The following HPSE2 variants were observed in gnomAD, a reference collection of about 807,000 sequenced individuals.
The protein encoded by HPSE2 is heparanase 2 (inactive).
HPSE2 carries 38 observed loss-of-function variants against 60.5 expected under a neutral mutation model. The ratio of observed to expected loss-of-function variants is 0.63; its 90% CI spans 0.48 to 0.82. The LOEUF (loss-of-function observed/expected upper bound fraction) is 0.82, where lower values mean the gene tolerates loss of function less well. Among genes scored for constraint, HPSE2 ranks in the 40% least tolerant of loss-of-function variants. The pLI is 0.00. For missense variants in HPSE2, 713 were observed against 740.4 expected (o/e 0.96, Z 0.43); for synonymous variants, 295 against 293.2 (o/e 1.01, Z -0.06).
At position 98,939,829 on chromosome 10, in the gene HPSE2, G is replaced by C. The variant is rs192586157; in HGVS notation, c.611-195773C>G. Among the ~76,000 whole-genome samples the C allele has an allele frequency of 1.6e-3, 231 of 143,742 alleles. 59 individuals are homozygous for C. Among genetic ancestry groups the C allele is most frequent in the African/African-American group, 6.1e-3 (215 of 35,294 alleles). The allele number at this position is 143,742 out of a possible 152,430, so 94.3% of individuals were successfully genotyped here. A position where few individuals can be genotyped will look rare whatever the true frequency, so the allele number is the denominator to read the frequency against. ...TATTCCAAAATTGACCACATAGGTG[G>C]AAGTAAAGCTCTCCTCAGCAAATGT... On this transcript the variant is annotated intron_variant, in intron 3 of 11. Coordinates refer to ENST00000370552, the MANE Select transcript of HPSE2 (RefSeq NM_021828.5).
At chr10:98,614,313 G>C (rs1945840062) in intron 9 of HPSE2, among the ~76,000 whole-genome samples, 1 of 136,254 alleles carries the variant, frequency 7.3e-6, no homozygotes, top group Admixed American at 7.7e-5. Context: ...TTTTTTTTGA[G>C]ACGGAGTCTC....
At chr10:99,063,428 A>G (rs1356897483) in intron 3 of HPSE2, among the ~76,000 whole-genome samples, 1 of 152,164 alleles carries the variant, frequency 6.6e-6, no homozygotes, top group African/African-American at 2.4e-5. Context: ...AAACAGGAAG[A>G]TACCACTTTT....
At chr10:98,468,513 G>A (rs1034877740) in intron 11 of HPSE2, among the ~76,000 whole-genome samples, 3 of 152,072 alleles carry the variant, frequency 2.0e-5, no homozygotes, top group Non-Finnish European at 4.4e-5. Context: ...GTAGCCTCCT[G>A]CTTGGGACCT....
chr10:99,184,521 T>TC (rs1847898437), intron 2 of HPSE2, among the ~76,000 whole-genome samples: 7 of 10,168 alleles, frequency 6.9e-4, no homozygotes, highest in African/African-American at 2.4e-3. Flanking sequence ...CGAGACTGTC[T>TC]CAAAAAAAAA....
At chr10:98,626,678 G>A (rs192489849) in intron 7 of HPSE2, among the ~76,000 whole-genome samples, 1 of 152,118 alleles carries the variant, frequency 6.6e-6, no homozygotes, top group Non-Finnish European at 1.5e-5. Context: ...ATAATAAAAT[G>A]ATGTTAAATG....
intron 1 of HPSE2, among the ~76,000 whole-genome samples, chr10:99,233,467 C>T: frequency 6.6e-6 from 1 of 152,162 alleles, no homozygotes. Flanking sequence ...GGATTTCCAT[C>T]AATAGGTTTT....
At chr10:98,708,747 A>T (rs1017570815) in intron 5 of HPSE2, among the ~76,000 whole-genome samples, 31 of 152,334 alleles carry the variant, frequency 2.0e-4, no homozygotes, top group African/African-American at 7.2e-4. Context: ...GCATTTCCAA[A>T]TTCTAGCAAG....
the HPSE2 span, among the ~76,000 whole-genome samples, chr10:99,245,496 C>T: frequency 2.0e-5 from 3 of 152,208 alleles, no homozygotes; most frequent in African/African-American, 4.8e-5. Context: ...AGGGACCATC[C>T]CCTAAGGGGG....
At chr10:98,549,352 A>ATTG (rs1423927091) in intron 9 of HPSE2, among the ~76,000 whole-genome samples, 1 of 147,042 alleles carries the variant, frequency 6.8e-6, no homozygotes, top group Non-Finnish European at 1.5e-5. Flanking sequence ...TATTATTATT[A>ATTG]TTATTATCCC....
chr10:98,920,676 T>C (rs1336838899), intron 3 of HPSE2, among the ~76,000 whole-genome samples: 1 of 152,196 alleles, frequency 6.6e-6, no homozygotes, highest in Non-Finnish European at 1.5e-5. Context: ...AGAACATCTT[T>C]TACTAACATT....
intron 2 of HPSE2, among the ~76,000 whole-genome samples, chr10:99,184,656 C>T (rs1447406644): frequency 1.4e-5 from 2 of 141,682 alleles, no homozygotes; most frequent in Non-Finnish European, 3.0e-5. Context: ...GTATAAAAGA[C>T]ACAAGTTGAG....
intron 2 of HPSE2, among the ~76,000 whole-genome samples, chr10:99,228,654 T>C (rs1419191724): frequency 6.6e-6 from 1 of 152,220 alleles, no homozygotes; most frequent in African/African-American, 2.4e-5. Context: ...ACTTCTTCCA[T>C]CATCACTATT....
At chr10:99,279,370 A>C in the HPSE2 span, among the ~76,000 whole-genome samples, 1 of 152,246 alleles carries the variant, frequency 6.6e-6, no homozygotes. Flanking sequence ...ATGTTGGCAC[A>C]GGAAAAACAG....
intron 3 of HPSE2, among the ~76,000 whole-genome samples, chr10:98,902,239 G>T (rs1054746400): frequency 5.3e-5 from 8 of 152,072 alleles, no homozygotes; most frequent in Admixed American, 5.2e-4. Context: ...CAAACTAGGA[G>T]GTATATGAAT....
At chr10:98,756,185 G>T (rs1949874376) in intron 3 of HPSE2, among the ~76,000 whole-genome samples, 1 of 151,914 alleles carries the variant, frequency 6.6e-6, no homozygotes, top group Non-Finnish European at 1.5e-5. Flanking sequence ...GTGTTAAAAA[G>T]AAAGTTTATA....
chr10:99,239,257 T>TCA (rs1849909050), upstream of HPSE2, among the ~76,000 whole-genome samples: 1 of 152,104 alleles, frequency 6.6e-6, no homozygotes, highest in Non-Finnish European at 1.5e-5. Context: ...GCTTAGTGTC[T>TCA]ACTGAATGGT....
At chr10:99,161,993 A>G (rs1331869117) in intron 2 of HPSE2, among the ~76,000 whole-genome samples, 1 of 152,208 alleles carries the variant, frequency 6.6e-6, no homozygotes, top group Non-Finnish European at 1.5e-5. Flanking sequence ...AAATTTATAG[A>G]GACAGTAGAA....
chr10:98,890,174 A>T (rs1002043209), intron 3 of HPSE2, among the ~76,000 whole-genome samples: 8 of 152,164 alleles, frequency 5.3e-5, no homozygotes, highest in African/African-American at 1.7e-4. Context: ...TACTGAAAAC[A>T]TGTAAGTTAT....
chr10:98,695,677 T>G (rs549136304), intron 5 of HPSE2, among the ~76,000 whole-genome samples: 5 of 152,150 alleles, frequency 3.3e-5, no homozygotes, highest in African/African-American at 1.2e-4. Context: ...GCAGCAGTCA[T>G]TGGGAAGCAT....
Sources: gnomAD v4.1 joint callset for allele counts (sites outside exome capture counted in the v4.1 genomes callset) on GRCh38, gnomAD v4.1.1 for gene constraint, MANE v1.5 for transcripts, NCBI Gene and HGNC (gene_info 2026-07-23, HGNC 2026-07-21) for gene names.